GBE1: variants seen among roughly 807,000 people sequenced by gnomAD.
GBE1 encodes the protein 1,4-alpha-glucan-branching enzyme.
GBE1 carries 70 observed loss-of-function variants against 88.8 expected under a neutral mutation model. The observed-to-expected ratio is 0.79, with a 90% CI of 0.65 to 0.96. GBE1 has a LOEUF of 0.96. Ranked by LOEUF, GBE1 falls within the 40% of genes least tolerant of loss-of-function variation. The pLI is 0.00. For missense variants in GBE1, 872 were observed against 871.0 expected (o/e 1.00, Z -0.01); for synonymous variants, 284 against 300.1 (o/e 0.95, Z 0.56).
chr3:81,678,518 C>T (rs1330532158), intron 2 of GBE1, among the ~76,000 whole-genome samples: 2 of 151,948 alleles, frequency 1.3e-5, no homozygotes, highest in Non-Finnish European at 1.5e-5. Context: ...ATGGATATAC[C>T]TCATTGCTTG....
At chr3:81,727,473 T>C (rs1706130432) in intron 1 of GBE1, among the ~76,000 whole-genome samples, 1 of 152,196 alleles carries the variant, frequency 6.6e-6, no homozygotes, top group African/African-American at 2.4e-5. Flanking sequence ...ACTTTTTAAT[T>C]TGAATTGTTA....
At chr3:81,570,419 T>A (rs1388219765) in intron 12 of GBE1, among the ~76,000 whole-genome samples, 3 of 152,214 alleles carry the variant, frequency 2.0e-5, no homozygotes, top group African/African-American at 7.2e-5. Flanking sequence ...GTGAGCAAGA[T>A]GTTATGAATC....
In GBE1 at chr3:81,534,595, G is replaced by A. The variant is rs145218332; in HGVS notation, c.1934+600C>T. The stretch of plus-strand genomic sequence containing the variant: ...ATTCAGGCCTACAAAGGTATGCTGT[G>A]TCTTGAATTTTAGGAGAAGAAACAG... On this transcript the variant is annotated intron_variant, in intron 14 of 15. Transcript: ENST00000429644. The A allele has an allele frequency of 4.3e-3, 649 of 152,148 alleles. 14 individuals are homozygous for A. Among genetic ancestry groups the A allele is most frequent in the East Asian group, 2.7e-3 (14 of 5,148 alleles). The allele number at this position is 152,148 out of a possible 1,614,324, so 9.4% of individuals were successfully genotyped here. A position where few individuals can be genotyped will look rare whatever the true frequency, so the allele number is the denominator to read the frequency against.
intron 5 of GBE1, among the ~76,000 whole-genome samples, chr3:81,647,816 A>G (rs1449119071): frequency 6.6e-6 from 1 of 152,144 alleles, no homozygotes; most frequent in African/African-American, 2.4e-5. Flanking sequence ...GCACAAATTT[A>G]TAGTTTTATT....
At chr3:81,548,370 T>C (rs1703234618) in intron 12 of GBE1, among the ~76,000 whole-genome samples, 2 of 151,412 alleles carry the variant, frequency 1.3e-5, no homozygotes, top group Admixed American at 1.3e-4. Flanking sequence ...AAAGGTGAAA[T>C]TTGGCTTATT....
intron 9 of GBE1, among the ~76,000 whole-genome samples, chr3:81,590,123 C>A (rs1489359277): frequency 6.6e-6 from 1 of 151,850 alleles, no homozygotes; most frequent in Non-Finnish European, 1.5e-5. Context: ...TGAAATCATA[C>A]CATTTATAAA....
At chr3:81,541,071 C>G (rs1334231608) in intron 12 of GBE1, among the ~76,000 whole-genome samples, 1 of 152,000 alleles carries the variant, frequency 6.6e-6, no homozygotes, top group Non-Finnish European at 1.5e-5. Flanking sequence ...TGCTTGCTAT[C>G]TTTACCAACT....
At chr3:81,683,850 G>A (rs573144091) in intron 2 of GBE1, among the ~76,000 whole-genome samples, 3 of 152,238 alleles carry the variant, frequency 2.0e-5, no homozygotes, top group African/African-American at 7.2e-5. Context: ...TTTGAGGAAG[G>A]AGAGCTGTGA....
chr3:81,689,703 CT>C (rs1039580171), intron 2 of GBE1, among the ~76,000 whole-genome samples: 22 of 152,258 alleles, frequency 1.4e-4, no homozygotes, highest in African/African-American at 5.3e-4. Context: ...TCCAGCCTCT[CT>C]TGATCATTGG....
At chr3:81,700,009 A>G (rs756102210) in intron 2 of GBE1, among the ~76,000 whole-genome samples, 25 of 152,332 alleles carry the variant, frequency 1.6e-4, no homozygotes, top group Middle Eastern at 3.4e-3. Flanking sequence ...GAGTTTCTTC[A>G]TTGCTCTTTC....
At chr3:81,609,367 CA>C (rs1435504776) in intron 7 of GBE1, among the ~76,000 whole-genome samples, 2 of 152,058 alleles carry the variant, frequency 1.3e-5, no homozygotes, top group Non-Finnish European at 1.5e-5. Context: ...CCTGGGCAAA[CA>C]AATGAAGGAC....
Position 81,518,096 on chromosome 3 carries a change from C to T in GBE1, c.1934+17099G>A, listed in dbSNP as rs115097066. 3.1e-3 allele frequency among the ~76,000 whole-genome samples: 462 copies of T among 151,448 alleles called. 4 individuals carry two copies. Among genetic ancestry groups the T allele is most frequent in the Admixed American group, 4.5e-3 (68 of 15,142 alleles). The stretch of plus-strand genomic sequence containing the variant: ...ACCTTGGGCACAAATGTTCCTCCCC[C>T]CCAAACCCCAATGAAGGATACTATT... On this transcript the variant is annotated intron_variant, in intron 14 of 15. Coordinates refer to ENST00000429644, the MANE Select transcript of GBE1 (RefSeq NM_000158.4).
At position 81,581,170 on chromosome 3, in the gene GBE1, C is replaced by G. The variant is rs371153239; in HGVS notation, c.1441G>C (p.Asp481His). ...TTATGCACATATTCATTTACCTGAT[C>G]ATGGCTCTCTGCATAAGCAATGCAC... is the stretch of plus-strand genomic sequence containing the variant. ...EKCIAYAESH[D>H]QALVGDKSLA... Residue 481 changes from aspartate (D) to histidine (H), a missense_variant, in exon 11 of 16, where the codon GAT (aspartate) becomes CAT (histidine). Physicochemically the swap from Asp to His is moderately conservative, Grantham distance 81. Coordinates refer to ENST00000429644, the MANE Select transcript of GBE1 (RefSeq NM_000158.4). The G allele has an allele frequency of 6.3e-7, 1 of 1,591,776 alleles. No individual in the cohort carries two copies. The highest frequency in any genetic ancestry group is 2.2e-5 in the East Asian group (1 of 44,600).
At chr3:81,617,965 C>G (rs556719057) in intron 7 of GBE1, among the ~76,000 whole-genome samples, 38 of 152,002 alleles carry the variant, frequency 2.5e-4, no homozygotes, top group Middle Eastern at 6.8e-3. Flanking sequence ...GAAATAGATC[C>G]ATTTCATCTA....
chr3:81,747,225 A>T (rs1706429685), intron 1 of GBE1, among the ~76,000 whole-genome samples: 1 of 152,230 alleles, frequency 6.6e-6, no homozygotes, highest in Non-Finnish European at 1.5e-5. Flanking sequence ...ATCAAAATAA[A>T]TGAAAAAATT....
intron 7 of GBE1, among the ~76,000 whole-genome samples, chr3:81,601,029 A>G (rs1704026701): frequency 1.3e-5 from 2 of 152,156 alleles, no homozygotes; most frequent in African/African-American, 4.8e-5. Context: ...AATTTGCACT[A>G]GCTTTGCTAA....
chr3:81,505,165 G>A (rs1374237455), intron 14 of GBE1, among the ~76,000 whole-genome samples: 1 of 152,148 alleles, frequency 6.6e-6, no homozygotes, highest in African/African-American at 2.4e-5. Context: ...TAGGTTTTTG[G>A]AATATGAATT....
intron 1 of GBE1, among the ~76,000 whole-genome samples, chr3:81,745,270 A>C (rs138564371): frequency 4.7e-4 from 72 of 152,332 alleles, no homozygotes; most frequent in Non-Finnish European, 7.8e-4. Context: ...GTGACCACCA[A>C]AAAATTAAGT....
chr3:81,719,903 A>G (rs1206577962), intron 1 of GBE1, among the ~76,000 whole-genome samples: 1 of 152,162 alleles, frequency 6.6e-6, no homozygotes, highest in Non-Finnish European at 1.5e-5. Context: ...GAATTTATTA[A>G]ATATAGCCAG....
Sources: allele counts gnomAD v4.1 joint callset (sites outside exome capture counted in the v4.1 genomes callset), GRCh38; gene constraint gnomAD v4.1.1; transcripts MANE v1.5; gene names NCBI Gene and HGNC (gene_info 2026-07-23, HGNC 2026-07-21).